The following WDR83 variants were observed in gnomAD, a reference collection of about 807,000 sequenced individuals.
The protein encoded by WDR83 is WD repeat domain 83.
Under a neutral mutation model 37.7 loss-of-function variants are expected in WDR83, and 37 were observed. The ratio of observed to expected loss-of-function variants is 0.98; its 90% CI spans 0.76 to 1.29. The LOEUF (loss-of-function observed/expected upper bound fraction) is 1.29, where lower values mean the gene tolerates loss of function less well. WDR83 is among the 50% of genes most tolerant of loss of function. The pLI, the probability that WDR83 is intolerant of heterozygous loss-of-function variation, is 0.00. For synonymous variants in WDR83, 174 were observed against 181.1 expected, an observed-to-expected ratio of 0.96 and a Z score of 0.31; for missense variants, 445 against 414.4, an observed-to-expected ratio of 1.07 and a Z score of -0.64.
intron 2 of WDR83, among the ~76,000 whole-genome samples, 178 bp downstream of exon 2, chr19:12,668,805 T>C (rs546975955): frequency 1.3e-5 from 2 of 152,300 alleles, no homozygotes; most frequent in South Asian, 4.1e-4. Context: ...AGTCCTACTG[T>C]CTGGCCTGCG....
At chr19:12,667,051 C>T (rs1447874406) in intron 1 of WDR83, 59 bp downstream of exon 1, 2 of 353,228 alleles carry the variant, frequency 5.7e-6, no homozygotes, top group African/African-American at 2.2e-5. Flanking sequence ...TGTAGTGTGT[C>T]CATGGGAATC....
Position 12,670,702 on chromosome 19 carries a change from TG to T in WDR83, c.388del (p.Asp130IlefsTer30). On this transcript the variant is annotated frameshift_variant, in exon 7 of 11. Transcript: ENST00000418543. LOFTEE classifies it high-confidence loss of function. ...EATVILSGSI[D>X]SSIRCWDCRS... is the part of the protein sequence containing the mutation. The stretch of plus-strand genomic sequence containing the variant: ...ATCATGCTGGCCTCACAGGCTCTAT[TG>T]ATTCCAGTATCCGCTGTTGGGATTG... 6.2e-7 allele frequency: 1 copy of T among 1,614,176 alleles called. No homozygotes were observed.
At position 12,670,695 on chromosome 19, in the gene WDR83, G is replaced by C. The variant is rs758008797; in HGVS notation, c.380G>C (p.Gly127Ala). The C allele has an allele frequency of 1.9e-6, 3 of 1,614,176 alleles. No homozygotes were observed. Among genetic ancestry groups the C allele is most frequent in the South Asian group, 2.2e-5 (2 of 91,090 alleles). ...FNEEATVILSGSIDSSIRCWD... is the reference protein window; with the variant it reads ...FNEEATVILSASIDSSIRCWD... ...CCTCACCATCATGCTGGCCTCACAG[G>C]CTCTATTGATTCCAGTATCCGCTGT... The change falls in exon 7 of 11, where the codon GGC (glycine) becomes GCC (alanine). Residue 127 changes from glycine (G) to alanine (A), a missense_variant and splice_region_variant. Coordinates refer to ENST00000418543, the MANE Select transcript of WDR83 (RefSeq NM_001099737.3).
intron 10 of WDR83, among the ~76,000 whole-genome samples, chr19:12,673,993 C>T (rs2145327280): frequency 6.6e-6 from 1 of 152,340 alleles, no homozygotes; most frequent in Middle Eastern, 3.4e-3. Context: ...AGACACCGTG[C>T]CCAGCTTGGG....
At chr19:12,674,121 G>A (rs889634831) in intron 10 of WDR83, among the ~76,000 whole-genome samples, 1 of 152,200 alleles carries the variant, frequency 6.6e-6, no homozygotes, top group African/African-American at 2.4e-5. Context: ...CGGCAGGTGC[G>A]GCAAGATCCG....
At position 12,673,062 on chromosome 19, in the gene WDR83, G is replaced by A. The variant is rs1206095716; in HGVS notation, c.629G>A (p.Ser210Asn). Reference protein sequence around the residue: ...SRDGQCTLVSSLDSTLRLLDK... With the variant: ...SRDGQCTLVSNLDSTLRLLDK... Reference sequence around the variant, plus strand: ...GATGGGCAGTGCACCCTGGTGTCCAGCCTGGACTCCACATTGCGGCTCCTG... The same window carrying A: ...GATGGGCAGTGCACCCTGGTGTCCAACCTGGACTCCACATTGCGGCTCCTG... The change falls in exon 9 of 11, where the codon AGC becomes AAC. Residue 210 changes from serine to asparagine, a missense_variant. By Grantham distance (46) the Ser-to-Asn change is conservative. Transcript: ENST00000418543. The A allele has an allele frequency of 1.9e-6, 3 of 1,613,716 alleles. No individual in the cohort carries two copies. The highest frequency in any genetic ancestry group is 2.5e-6 in the Non-Finnish European group (3 of 1,179,724).
chr19:12,675,090 G>T (rs10426586), intron 10 of WDR83, among the ~76,000 whole-genome samples: 20,719 of 150,496 alleles, frequency 0.14, 4,291 homozygotes, highest in African/African-American at 0.45. Flanking sequence ...CTCCAGCCTG[G>T]CGACAGAGCA....
At position 12,673,217 on chromosome 19, in the gene WDR83, G is replaced by C. The variant is rs762055867; in HGVS notation, c.699G>C (p.Lys233Asn). Residue 233 changes from lysine to asparagine, a missense_variant, in exon 10 of 11, where the codon AAG becomes AAC. By Grantham distance (94) the Lys-to-Asn change is moderately conservative. Transcript: ENST00000418543. ...GELLGEYKGH[K>N]NQEYKLDCCL... ...CCACCCTTAGGTACAAGGGCCATAA[G>C]AACCAGGAATACAAGCTGGACTGCT... 6.2e-7 allele frequency: 1 copy of C among 1,613,900 alleles called. No homozygotes were observed. Among genetic ancestry groups the C allele is most frequent in the East Asian group, 2.2e-5 (1 of 44,870 alleles).
At chr19:12,672,798 G>A (rs1420203266) in intron 7 of WDR83, 49 bp from the exon 8 acceptor site, 2 of 1,543,672 alleles carry the variant, frequency 1.3e-6, no homozygotes, top group Non-Finnish European at 1.8e-6. Context: ...GCTGCCTGGA[G>A]CCATGTGAGT....
intron 10 of WDR83, among the ~76,000 whole-genome samples, chr19:12,674,513 A>G (rs1266209001): frequency 6.6e-6 from 1 of 152,220 alleles, no homozygotes; most frequent in Non-Finnish European, 1.5e-5. Flanking sequence ...AGAATGTTCC[A>G]CCTATTTCTT....
Position 12,669,818 on chromosome 19 carries a change from C to A in WDR83, c.28C>A (p.Pro10Thr). 6.2e-7 allele frequency: 1 copy of A among 1,610,396 alleles called. No individual in the cohort carries two copies. Among genetic ancestry groups the A allele is most frequent in the Non-Finnish European group, 8.5e-7 (1 of 1,178,270 alleles). The change falls in exon 3 of 11, where the codon CCT becomes ACT. Residue 10 changes from proline to threonine, a missense_variant. Pro to Thr is a conservative substitution (Grantham distance 38). Transcript: ENST00000418543. ...GGCTTTCCCTGAGCCAAAGCCGCGG[C>A]CTCCAGAGCTGCCGCAGAAACGGTT... MAFPEPKPR[P>T]PELPQKRLKT...
chr19:12,669,457 G>T (rs1317865580), intron 2 of WDR83: 44 of 1,558,152 alleles, frequency 2.8e-5, no homozygotes, highest in Non-Finnish European at 3.8e-5. Flanking sequence ...GCAGCTTCCG[G>T]CGTGCAAGCT....
chr19:12,672,112 A>G (rs990893503), intron 7 of WDR83, among the ~76,000 whole-genome samples: 2 of 152,246 alleles, frequency 1.3e-5, no homozygotes, highest in Non-Finnish European at 2.9e-5. Flanking sequence ...CTCACAGCTG[A>G]TAGAGGCAGA....
rs192581296 is a variant in WDR83, at chr19:12,671,741, A to C, written c.506+920A>C. Among the ~76,000 whole-genome samples the C allele has an allele frequency of 4.6e-5, 7 of 152,328 alleles. No individual in the cohort carries two copies. The East Asian group carries it at 1.3e-3, about 29-fold the overall frequency. ...TGAGACGCAGTCTCGCTCTGTTGCC[A>C]GGCTGGAGTGCAGTGACGTGATCTC... is the stretch of plus-strand genomic sequence containing the variant. On this transcript the variant is annotated intron_variant, in intron 7 of 10. Transcript: ENST00000418543.
At position 12,666,950 on chromosome 19, in the gene WDR83, C is replaced by G; in HGVS notation, c.-199C>G. The G allele has an allele frequency of 1.8e-6, 1 of 564,330 alleles. No individual in the cohort carries two copies. Among genetic ancestry groups the G allele is most frequent in the Non-Finnish European group, 3.1e-6 (1 of 319,112 alleles). The allele number at this position is 564,330 out of a possible 1,614,324, so 35.0% of individuals were successfully genotyped here. A position where few individuals can be genotyped will look rare whatever the true frequency, so the allele number is the denominator to read the frequency against. The stretch of plus-strand genomic sequence containing the variant: ...CTCACGGGCTATGAAGACGGAATGC[C>G]TCTTAATGCCGGAATTCCAAGACGG... On this transcript the variant is annotated 5_prime_UTR_variant, in exon 1 of 11. Transcript: ENST00000418543.
intron 7 of WDR83, chr19:12,672,354 A>G: frequency 5.3e-6 from 1 of 189,232 alleles, no homozygotes; most frequent in Non-Finnish European, 1.1e-5. Flanking sequence ...CACACCTGTA[A>G]TCCCAGCACT....
intron 1 of WDR83, among the ~76,000 whole-genome samples, chr19:12,667,643 G>A (rs1043139577): frequency 2.0e-5 from 3 of 152,094 alleles, no homozygotes; most frequent in African/African-American, 4.8e-5. Flanking sequence ...TGGGCAACAA[G>A]AGCAAAACTC....
intron 10 of WDR83, among the ~76,000 whole-genome samples, chr19:12,675,297 C>T (rs2024540961): frequency 6.6e-6 from 1 of 152,118 alleles, no homozygotes; most frequent in African/African-American, 2.4e-5. Context: ...TAAGAGGCTC[C>T]CAAGACTTGC....
chr19:12,669,686 A>G, intron 2 of WDR83, 69 bp from the exon 3 acceptor site: 1 of 1,225,048 alleles, frequency 8.2e-7, no homozygotes, highest in South Asian at 1.5e-5. Flanking sequence ...AACAGGAAGT[A>G]GGTCAGGAAG....
Sources: gnomAD v4.1 joint callset for allele counts (sites outside exome capture counted in the v4.1 genomes callset) on GRCh38, gnomAD v4.1.1 for gene constraint, MANE v1.5 for transcripts, NCBI Gene and HGNC (gene_info 2026-07-23, HGNC 2026-07-21) for gene names.